Variants in NMU observed in about 807,000 individuals in gnomAD.
The protein encoded by NMU is neuromedin U.
NMU carries 29 observed loss-of-function variants against 35.4 expected under a neutral mutation model. The observed-to-expected ratio is 0.82, with a 90% CI of 0.61 to 1.12. The LOEUF is 1.12. Ranked by LOEUF, NMU falls within the 50% of genes most tolerant of loss-of-function variation. The pLI, the probability that NMU is intolerant of heterozygous loss-of-function variation, is 0.00. For synonymous variants in NMU, 78 were observed against 81.3 expected, an observed-to-expected ratio of 0.96 and a Z score of 0.22; for missense variants, 199 against 206.2, an observed-to-expected ratio of 0.97 and a Z score of 0.21.
chr4:55,635,981 G>A lies in NMU; in HGVS notation c.112+100C>T, dbSNP rs1715892458. ...AGAGAAGCCAAGTGAAGTCCCAGAA[G>A]CCAAGTAAAGGTGAGAGAAAGAGGG... On this transcript the variant is annotated intron_variant, in intron 1 of 9. Coordinates refer to ENST00000264218, the MANE Select transcript of NMU (RefSeq NM_006681.4). The A allele has an allele frequency of 7.2e-6, 11 of 1,521,154 alleles. No homozygotes were observed. In the South Asian group the frequency reaches 1.3e-4, roughly 18 times the overall value. The allele number at this position is 1,521,154 out of a possible 1,614,324, so 94.2% of individuals were successfully genotyped here. A position where few individuals can be genotyped will look rare whatever the true frequency, so the allele number is the denominator to read the frequency against.
chr4:55,615,142 A>G (rs1734066509), intron 3 of NMU, among the ~76,000 whole-genome samples: 1 of 152,248 alleles, frequency 6.6e-6, no homozygotes, highest in South Asian at 2.1e-4. Context: ...AGTAAAGACA[A>G]TGTAAGAACA....
At chr4:55,618,586 C>T (rs1304390561) in intron 2 of NMU, among the ~76,000 whole-genome samples, 1 of 151,716 alleles carries the variant, frequency 6.6e-6, no homozygotes, top group Non-Finnish European at 1.5e-5. Context: ...TTCTTTCTTT[C>T]TTGTCTTTCT....
intron 2 of NMU, among the ~76,000 whole-genome samples, chr4:55,624,016 A>G (rs1403437703): frequency 1.0e-3 from 48 of 48,062 alleles, no homozygotes; most frequent in Non-Finnish European, 1.5e-3. Flanking sequence ...ACAAAAATCA[A>G]TTCAAGATGG....
chr4:55,607,396 T>C (rs1399231376), intron 5 of NMU, 41 bp downstream of exon 5: 1 of 1,305,258 alleles, frequency 7.7e-7, no homozygotes, highest in Admixed American at 1.7e-5. Context: ...AATGGTTCCC[T>C]TATTATTTTA....
upstream of NMU, chr4:55,636,320 C>G: frequency 7.6e-7 from 1 of 1,310,932 alleles, no homozygotes; most frequent in Non-Finnish European, 9.8e-7. This position sits in a 1 kb window ranked among gnomAD's most constrained non-coding sequence, Gnocchi z 4.0. Flanking sequence ...GAGCCGCCAA[C>G]TTTTAAATCT....
chr4:55,604,954 G>A (rs979636531), intron 7 of NMU, among the ~76,000 whole-genome samples: 2 of 152,002 alleles, frequency 1.3e-5, no homozygotes, highest in African/African-American at 2.4e-5. Flanking sequence ...CCTAAGGACT[G>A]GACAAAAGCA....
chr4:55,634,843 A>G (rs1185661525), intron 1 of NMU, among the ~76,000 whole-genome samples: 6 of 152,130 alleles, frequency 3.9e-5, no homozygotes, highest in Non-Finnish European at 8.8e-5. Context: ...AAGCCAAGTT[A>G]TCTTGCTTTT....
At chr4:55,604,976 T>C (rs1183838089) in intron 7 of NMU, among the ~76,000 whole-genome samples, 1 of 152,124 alleles carries the variant, frequency 6.6e-6, no homozygotes, top group Non-Finnish European at 1.5e-5. Context: ...TGTCCTTTCT[T>C]AAACCAAGAA....
intron 9 of NMU, among the ~76,000 whole-genome samples, 179 bp downstream of exon 9, chr4:55,598,963 C>A (rs1022269898): frequency 6.6e-6 from 1 of 152,158 alleles, no homozygotes; most frequent in Non-Finnish European, 1.5e-5. Flanking sequence ...GCCCTTACAG[C>A]TCCTATCATT....
At position 55,607,354 on chromosome 4, in the gene NMU, T is replaced by C. The variant is rs745887832; in HGVS notation, c.310-6A>G. On this transcript the variant is annotated splice_region_variant and splice_polypyrimidine_tract_variant and intron_variant, in intron 5 of 9. Coordinates refer to ENST00000264218, the MANE Select transcript of NMU (RefSeq NM_006681.4). ...TTCGAATAATGAAATAAGAACTGTT[T>C]AAAAAAAGCAGTAAGTTTTACTATA... 1.9e-6 allele frequency: 3 copies of C among 1,596,794 alleles called. No homozygotes were observed. The Admixed American group carries it at 5.0e-5, about 27-fold the overall frequency.
At chr4:55,626,172 C>T (rs1314362136) in intron 2 of NMU, among the ~76,000 whole-genome samples, 1 of 152,218 alleles carries the variant, frequency 6.6e-6, no homozygotes, top group Non-Finnish European at 1.5e-5. Context: ...AATTGTTTTG[C>T]TAGTCTAATA....
intron 1 of NMU, among the ~76,000 whole-genome samples, chr4:55,634,095 C>CGTTGCGACATTTGTTATGTTGTT: frequency 6.6e-6 from 1 of 152,216 alleles, no homozygotes; most frequent in African/African-American, 2.4e-5. Context: ...TTTCCTCTGG[C>CGTTGCGACATTTGTTATGTTGTT]GTTGCGACAT....
intron 7 of NMU, among the ~76,000 whole-genome samples, chr4:55,601,746 G>C (rs1379063500): frequency 6.6e-6 from 1 of 152,024 alleles, no homozygotes; most frequent in Non-Finnish European, 1.5e-5. Context: ...GAGCACTTTG[G>C]GAGGCTGATG....
intron 2 of NMU, among the ~76,000 whole-genome samples, chr4:55,618,918 G>A (rs1341635918): frequency 1.5e-5 from 2 of 130,878 alleles, no homozygotes; most frequent in African/African-American, 5.9e-5. Context: ...CACCCAGATT[G>A]CAGTGCAGTG....
intron 2 of NMU, among the ~76,000 whole-genome samples, chr4:55,619,109 T>A (rs891814699): frequency 9.2e-5 from 14 of 152,238 alleles, no homozygotes; most frequent in Middle Eastern, 3.4e-3. Context: ...GCTCAAGTGA[T>A]CCTCCTGCTG....
intron 2 of NMU, among the ~76,000 whole-genome samples, chr4:55,619,416 A>G (rs1366889783): frequency 2.5e-5 from 3 of 119,324 alleles, no homozygotes; most frequent in Non-Finnish European, 3.5e-5. Flanking sequence ...ACGCACCTGG[A>G]AAATCGGGTC....
intron 9 of NMU, 21 bp downstream of exon 9, chr4:55,599,117 ATTTG>A (rs745530882): frequency 1.1e-5 from 16 of 1,493,012 alleles, no homozygotes; most frequent in African/African-American, 2.8e-5. Flanking sequence ...TTATTTATTT[ATTTG>A]TTTATTTATT....
At chr4:55,625,869 T>C (rs1734506686) in intron 2 of NMU, among the ~76,000 whole-genome samples, 1 of 151,932 alleles carries the variant, frequency 6.6e-6, no homozygotes, top group Non-Finnish European at 1.5e-5. Context: ...TAGTAGATTC[T>C]ATGATGTGTG....
chr4:55,612,203 G>C (rs138047606), intron 3 of NMU, among the ~76,000 whole-genome samples: 140 of 152,256 alleles, frequency 9.2e-4, no homozygotes, highest in African/African-American at 3.1e-3. Flanking sequence ...TAACAGCTTG[G>C]TCAAGACAGT....
Sources: gnomAD v4.1 joint callset for allele counts (sites outside exome capture counted in the v4.1 genomes callset) on GRCh38, gnomAD v4.1.1 for gene constraint, Gnocchi (gnomAD v3.1) non-coding constraint, MANE v1.5 for transcripts, NCBI Gene and HGNC (gene_info 2026-07-23, HGNC 2026-07-21) for gene names.